Variants in PCDHA6 observed in about 807,000 individuals in gnomAD.
PCDHA6 encodes the protein protocadherin alpha-6.
PCDHA6 carries 55 observed loss-of-function variants against 60.3 expected under a neutral mutation model. The observed-to-expected ratio is 0.91, with a 90% CI of 0.73 to 1.14. The LOEUF is 1.14. Among genes scored for constraint, PCDHA6 ranks in the 50% most tolerant of loss-of-function variants. The pLI is 0.00. For missense variants in PCDHA6, 1,327 were observed against 1,256.5 expected, an observed-to-expected ratio of 1.06 and a Z score of -0.85; for synonymous variants, 652 against 557.9, an observed-to-expected ratio of 1.17 and a Z score of -2.38.
chr5:140,834,168 A>G, intron 1 of PCDHA6: 1 of 548,726 alleles, frequency 1.8e-6, no homozygotes, highest in Non-Finnish European at 3.2e-6. Flanking sequence ...ATTCTTACTT[A>G]CATGATGGCC....
rs2150354171 is a variant in PCDHA6, at chr5:140,843,161, G to C, written c.2394+12676G>C. 3.6e-5 allele frequency: 58 copies of C among 1,595,996 alleles called. 4 individuals are homozygous for C. In the South Asian group the frequency reaches 6.1e-4, roughly 17 times the overall value. ...GTGGCTTTCGTATGAGCTGCAGCCA[G>C]CTGCAAGCAGCCCTCGCATCCCGTT... On this transcript the variant is annotated intron_variant, in intron 1 of 3. Coordinates refer to ENST00000529310, the MANE Select transcript of PCDHA6 (RefSeq NM_018909.4).
intron 1 of PCDHA6, among the ~76,000 whole-genome samples, chr5:140,959,594 A>G (rs1420498368): frequency 6.6e-6 from 1 of 152,220 alleles, no homozygotes; most frequent in African/African-American, 2.4e-5. Flanking sequence ...TCAGCCAAGT[A>G]TAACATGCTT....
intron 1 of PCDHA6, chr5:140,856,768 C>T: frequency 6.3e-7 from 1 of 1,596,818 alleles, no homozygotes; most frequent in African/African-American, 1.3e-5. Context: ...ACGCCCCTAT[C>T]TTTGACAGAC....
At chr5:140,927,167 C>G in intron 1 of PCDHA6, 3 of 1,614,164 alleles carry the variant, frequency 1.9e-6, no homozygotes, top group Non-Finnish European at 2.5e-6. Flanking sequence ...GCCAAAGCTG[C>G]CTGCGTCTTG....
intron 1 of PCDHA6, among the ~76,000 whole-genome samples, chr5:140,935,798 G>T (rs1302798386): frequency 6.6e-6 from 1 of 151,552 alleles, no homozygotes; most frequent in Non-Finnish European, 1.5e-5. Context: ...ATATAAACGA[G>T]ATTATTTCAT....
In PCDHA6 at chr5:140,869,193, G is replaced by C. The variant is rs1215630740; in HGVS notation, c.2394+38708G>C. The C allele has an allele frequency of 1.9e-6, 3 of 1,614,040 alleles. No individual in the cohort carries two copies. In the African/African-American group the frequency reaches 4.0e-5, roughly 22 times the overall value. On this transcript the variant is annotated intron_variant, in intron 1 of 3. Transcript: ENST00000529310. Reference sequence around the variant, plus strand: ...AATTCTGGGAGGTGGGGAGCGGCCAGCTCCACTACTCCGTCTCGGAGGAGG... The same window carrying C: ...AATTCTGGGAGGTGGGGAGCGGCCACCTCCACTACTCCGTCTCGGAGGAGG...
At chr5:140,869,771 C>T (rs1554163429) in intron 1 of PCDHA6, 11 of 1,613,176 alleles carry the variant, frequency 6.8e-6, no homozygotes, top group Middle Eastern at 1.6e-4. Flanking sequence ...CCAGAGCTTA[C>T]TGGCACCGTT....
chr5:140,842,590 G>T (rs2150340027), intron 1 of PCDHA6: 1 of 1,530,304 alleles, frequency 6.5e-7, no homozygotes, highest in Admixed American at 1.8e-5. Context: ...CCTATGAGTT[G>T]GTGGTAACCG....
At position 140,978,793 on chromosome 5, in the gene PCDHA6, A is replaced by G. The variant is rs1241254692; in HGVS notation, c.2395-156A>G. 4.1e-6 allele frequency: 4 copies of G among 977,674 alleles called. No individual in the cohort carries two copies. In the African/African-American group the frequency reaches 7.0e-5, roughly 17 times the overall value. The allele number at this position is 977,674 out of a possible 1,614,324, so 60.6% of individuals were successfully genotyped here. On this transcript the variant is annotated intron_variant, in intron 1 of 3. Coordinates refer to ENST00000529310, the MANE Select transcript of PCDHA6 (RefSeq NM_018909.4). ...CTAATTTTCTTCTAAAGTGCTATAT[A>G]TGTAGATATCATCATAGAGTTACAC... is the stretch of plus-strand genomic sequence containing the variant.
chr5:140,844,101 A>G lies in PCDHA6; in HGVS notation c.2394+13616A>G, dbSNP rs981033565. Among the ~76,000 whole-genome samples, 6 of 149,238 alleles carry G rather than the reference A, an allele frequency of 4.0e-5. 1 individual carries two copies. In the South Asian group the frequency reaches 1.1e-3, roughly 26 times the overall value. On this transcript the variant is annotated intron_variant, in intron 1 of 3. Transcript: ENST00000529310. ...GGCACTGAACTCTTAATCTTACTCC[A>G]TATGCTGTACTTTGAAATGCATGTT... is the stretch of plus-strand genomic sequence containing the variant.
chr5:140,877,317 G>C (rs535177109), intron 1 of PCDHA6: 5 of 1,614,004 alleles, frequency 3.1e-6, no homozygotes, highest in Admixed American at 1.7e-5. Context: ...AACCGGCGGC[G>C]GTCGGCGCGC....
intron 1 of PCDHA6, chr5:140,842,708 T>A: frequency 6.3e-7 from 1 of 1,595,132 alleles, no homozygotes. Flanking sequence ...GTACACGGTG[T>A]TCGTGAAGGA....
At chr5:141,001,333 T>G (rs1554258097) in intron 3 of PCDHA6, among the ~76,000 whole-genome samples, 1 of 152,178 alleles carries the variant, frequency 6.6e-6, no homozygotes, top group African/African-American at 2.4e-5. Context: ...TCACCATAAT[T>G]TACATGATGT....
intron 1 of PCDHA6, chr5:140,969,571 G>A: frequency 9.5e-7 from 1 of 1,050,970 alleles, no homozygotes; most frequent in Non-Finnish European, 1.3e-6. Context: ...AATTGTTTGA[G>A]AAGTGAGGAT....
rs1554206642 is a variant in PCDHA6, at chr5:140,929,061, G to C, written c.2395-49888G>C. The C allele has an allele frequency of 3.1e-6, 5 of 1,614,196 alleles. No individual in the cohort carries two copies. In the South Asian group the frequency reaches 5.5e-5, roughly 18 times the overall value. On this transcript the variant is annotated intron_variant, in intron 1 of 3. Transcript: ENST00000529310. Reference sequence around the variant, plus strand: ...CTCAGAGCTGCTGTCGCTCTACAGAGGATCTGAGGTATGGAAGTAAGATGG... The same window carrying C: ...CTCAGAGCTGCTGTCGCTCTACAGACGATCTGAGGTATGGAAGTAAGATGG...
At chr5:140,943,024 A>C (rs2093406550) in intron 1 of PCDHA6, among the ~76,000 whole-genome samples, 1 of 152,102 alleles carries the variant, frequency 6.6e-6, no homozygotes, top group Admixed American at 6.6e-5. Context: ...TGGGAGGCTG[A>C]GGTGGGTGGA....
intron 1 of PCDHA6, chr5:140,967,880 A>G (rs782459653): frequency 4.3e-6 from 7 of 1,614,060 alleles, no homozygotes; most frequent in Non-Finnish European, 2.5e-6. Context: ...GGACCTGTAT[A>G]GCCCAGTGCC....
chr5:140,932,637 T>G (rs1554209011), intron 1 of PCDHA6, among the ~76,000 whole-genome samples: 2 of 151,870 alleles, frequency 1.3e-5, no homozygotes, highest in Non-Finnish European at 3.0e-5. Flanking sequence ...TAAAAAACTT[T>G]AGAATGATGA....
At chr5:140,898,306 G>A (rs192633483) in intron 1 of PCDHA6, among the ~76,000 whole-genome samples, 25 of 152,228 alleles carry the variant, frequency 1.6e-4, no homozygotes, top group Non-Finnish European at 3.1e-4. Flanking sequence ...TTTCTTCTAG[G>A]GTTTTTATGG....
Sources: allele counts gnomAD v4.1 joint callset (sites outside exome capture counted in the v4.1 genomes callset), GRCh38; gene constraint gnomAD v4.1.1; transcripts MANE v1.5; gene names NCBI Gene and HGNC (gene_info 2026-07-23, HGNC 2026-07-21).